Variants in PDZD2 observed in about 807,000 individuals in gnomAD.
PDZD2 encodes PDZ domain-containing protein 2.
A neutral mutation model predicts 220.7 loss-of-function variants in PDZD2; 90 were observed. The observed-to-expected ratio is 0.41, with a 90% confidence interval of 0.34 to 0.49. The LOEUF (loss-of-function observed/expected upper bound fraction) is 0.49, where lower values mean the gene tolerates loss of function less well. Ranked by LOEUF, PDZD2 falls within the 20% of genes least tolerant of loss-of-function variation. PDZD2 has a pLI of 0.28. For missense variants in PDZD2, 3,174 were observed against 3,608.5 expected (o/e 0.88, Z 3.08); for synonymous variants, 1,375 against 1,450.5 (o/e 0.95, Z 1.18).
chr5:32,051,404 A>C (rs1738535570), intron 8 of PDZD2, among the ~76,000 whole-genome samples: 1 of 152,232 alleles, frequency 6.6e-6, no homozygotes, highest in Non-Finnish European at 1.5e-5. Context: ...AAATACAAAA[A>C]TATCACTGGG....
At chr5:31,798,617 G>A (rs548788728) in intron 1 of PDZD2, among the ~76,000 whole-genome samples, 3 of 152,286 alleles carry the variant, frequency 2.0e-5, no homozygotes, top group East Asian at 1.9e-4. Flanking sequence ...GTTGGTGAGG[G>A]TTGTCTTGGC....
intron 2 of PDZD2, among the ~76,000 whole-genome samples, chr5:31,955,812 C>T (rs924224711): frequency 6.6e-6 from 1 of 150,638 alleles, no homozygotes; most frequent in East Asian, 2.0e-4. Flanking sequence ...TTTGCTGTGT[C>T]GAAGTTTGGG....
chr5:32,110,901 T>TAAA lies in PDZD2; in HGVS notation c.*2772_*2774dup, dbSNP rs952009584. On this transcript the variant is annotated 3_prime_UTR_variant, in exon 25 of 25. Transcript: ENST00000438447. ...GTAAACAACCTTTTTTAAGTAATTT[T>TAAA]AAAAAAAATAAACACTCTGCTTACT... is the stretch of plus-strand genomic sequence containing the variant. 13 of 152,100 alleles carry TAAA rather than the reference T, an allele frequency of 8.5e-5. No homozygotes were observed. The highest frequency in any genetic ancestry group is 3.1e-4 in the African/African-American group (13 of 41,494). The allele number at this position is 152,100 out of a possible 1,614,324, so 9.4% of individuals were successfully genotyped here. A position where few individuals can be genotyped will look rare whatever the true frequency, so the allele number is the denominator to read the frequency against.
intron 1 of PDZD2, among the ~76,000 whole-genome samples, chr5:31,762,117 C>T (rs73058416): frequency 0.025 from 3,859 of 152,310 alleles, 153 homozygotes; most frequent in African/African-American, 0.087. Flanking sequence ...GAACTCCACC[C>T]TCTTGGTCTA....
At chr5:31,930,556 G>T (rs895643918) in intron 2 of PDZD2, among the ~76,000 whole-genome samples, 1 of 152,124 alleles carries the variant, frequency 6.6e-6, no homozygotes, top group Non-Finnish European at 1.5e-5. Context: ...ATGAAGAATG[G>T]TCTCAAATAC....
chr5:31,782,620 T>G (rs1753120298), intron 1 of PDZD2, among the ~76,000 whole-genome samples: 1 of 151,058 alleles, frequency 6.6e-6, no homozygotes, highest in Non-Finnish European at 1.5e-5. Context: ...GGAATCAGAA[T>G]CTCTAAGGAT....
At chr5:31,822,412 A>G (rs1391667075) in intron 2 of PDZD2, 2 of 376,424 alleles carry the variant, frequency 5.3e-6, no homozygotes, top group South Asian at 2.2e-5. Context: ...CTAGGACTAC[A>G]GGTGCACACC....
At chr5:31,741,287 C>T (rs1042012170) in intron 1 of PDZD2, among the ~76,000 whole-genome samples, 3 of 151,280 alleles carry the variant, frequency 2.0e-5, no homozygotes, top group African/African-American at 7.3e-5. Context: ...TTGTGGGTGA[C>T]TTTATTTTCT....
In PDZD2 at chr5:32,052,725, G is replaced by T; in HGVS notation, c.1780G>T (p.Gly594Cys). 6.2e-7 allele frequency: 1 copy of T among 1,613,972 alleles called. No individual in the cohort carries two copies. Among genetic ancestry groups the T allele is most frequent in the Non-Finnish European group, 8.5e-7 (1 of 1,179,802 alleles). ...ISIIGLYKEK[G>C]KGLGFSIAGG... ...GATCATTGGGTTGTACAAAGAAAAAGGCAAGGTGAGCTCTTTTCTGCAGAC... is the reference window on the plus strand; with the variant it reads ...GATCATTGGGTTGTACAAAGAAAAATGCAAGGTGAGCTCTTTTCTGCAGAC... Residue 594 changes from glycine (G) to cysteine (C), a missense_variant, in exon 9 of 25, where the codon GGC becomes TGC. Physicochemically the swap from Gly to Cys is radical, Grantham distance 159. Transcript: ENST00000438447.
At chr5:31,836,230 T>C (rs926281796) in intron 2 of PDZD2, among the ~76,000 whole-genome samples, 1 of 118,716 alleles carries the variant, frequency 8.4e-6, no homozygotes, top group South Asian at 2.7e-4. Context: ...TTTATTGGCT[T>C]TTTTTTTTTT....
At chr5:31,717,522 C>T (rs1748524388) in intron 1 of PDZD2, among the ~76,000 whole-genome samples, 1 of 150,834 alleles carries the variant, frequency 6.6e-6, no homozygotes, top group Non-Finnish European at 1.5e-5. Flanking sequence ...GTGACCTTAG[C>T]ACCTCGCTTG....
At position 32,098,664 on chromosome 5, in the gene PDZD2, CTGTGAGCTACT is replaced by C; in HGVS notation, c.8218+31_8218+41del. On this transcript the variant is annotated intron_variant, in intron 23 of 24. Coordinates refer to ENST00000438447, the MANE Select transcript of PDZD2 (RefSeq NM_178140.4). The surrounding 1 kb of genome is among the most constrained non-coding windows in gnomAD (Gnocchi z 4.1). Reference sequence around the variant, plus strand: ...GATGATCATTTCAACAACCAGCAGGCTGTGAGCTACTGCAGAAAGAGGAGATTCTGGTTGAA... The same window carrying C: ...GATGATCATTTCAACAACCAGCAGGCGCAGAAAGAGGAGATTCTGGTTGAA... 1 of 1,583,162 alleles carries C rather than the reference CTGTGAGCTACT, an allele frequency of 6.3e-7. No homozygotes were observed. Among genetic ancestry groups the C allele is most frequent in the Non-Finnish European group, 8.6e-7 (1 of 1,161,230 alleles).
intron 1 of PDZD2, among the ~76,000 whole-genome samples, chr5:31,680,557 G>T (rs1328178008): frequency 1.3e-5 from 2 of 152,112 alleles, no homozygotes; most frequent in African/African-American, 4.8e-5. Context: ...GCCTCAGGAA[G>T]CTAAGTCTTC....
chr5:31,889,227 C>T (rs1215189229), intron 2 of PDZD2, among the ~76,000 whole-genome samples: 2 of 152,134 alleles, frequency 1.3e-5, no homozygotes, highest in South Asian at 2.1e-4. Flanking sequence ...ACATTGGAGC[C>T]GTGGTTTTAG....
intron 2 of PDZD2, among the ~76,000 whole-genome samples, chr5:31,846,279 G>A (rs1256687452): frequency 2.6e-5 from 4 of 152,252 alleles, no homozygotes; most frequent in Middle Eastern, 3.4e-3. Flanking sequence ...GATTACAGGC[G>A]TGCACCACTG....
rs762767928 is a variant in PDZD2 at position 32,048,627 on chromosome 5, C to G, written c.1608C>G (p.Ser536=). ...GDPRIRMLEV[S]RDGRKHSLPQ... The stretch of plus-strand genomic sequence containing the variant: ...CCCGGATCCGGATGTTGGAGGTCTC[C>G]CGAGATGGCCGGAAACACTCCCTCC... Residue 536 remains serine, a synonymous_variant, in exon 8 of 25, where the codon TCC becomes TCG. Transcript: ENST00000438447. 1 of 1,614,134 alleles carries G rather than the reference C, an allele frequency of 6.2e-7. No homozygotes were observed. Among genetic ancestry groups the G allele is most frequent in the South Asian group, 1.1e-5 (1 of 91,070 alleles).
At chr5:31,920,287 AATAAAT>A (rs1446287693) in intron 2 of PDZD2, among the ~76,000 whole-genome samples, 1 of 84,442 alleles carries the variant, frequency 1.2e-5, no homozygotes, top group Non-Finnish European at 3.6e-5. Flanking sequence ...CGGTTTCAAA[AATAAAT>A]AAAAATAAAT....
At chr5:32,082,082 C>T (rs1274178741) in intron 19 of PDZD2, among the ~76,000 whole-genome samples, 1 of 139,110 alleles carries the variant, frequency 7.2e-6, no homozygotes, top group African/African-American at 2.7e-5. Flanking sequence ...AGTGCAATGG[C>T]GCGATCTTGG....
At chr5:31,818,931 A>T (rs144486563) in intron 2 of PDZD2, among the ~76,000 whole-genome samples, 1 of 152,314 alleles carries the variant, frequency 6.6e-6, no homozygotes, top group East Asian at 1.9e-4. Flanking sequence ...TGCAATATAT[A>T]TATTTTCAGA....
Sources: allele counts gnomAD v4.1 joint callset (sites outside exome capture counted in the v4.1 genomes callset), GRCh38; gene constraint gnomAD v4.1.1; non-coding constraint Gnocchi (gnomAD v3.1); transcripts MANE v1.5; gene names NCBI Gene and HGNC (gene_info 2026-07-23, HGNC 2026-07-21).